Variants in ITPR2 observed in about 807,000 individuals in gnomAD.
The protein encoded by ITPR2 is inositol 1,4,5-trisphosphate receptor type 2, also known as inositol 1,4,5-trisphosphate-gated calcium channel ITPR2.
ITPR2 carries 207 observed loss-of-function variants against 317.1 expected under a neutral mutation model. That is an observed-to-expected ratio of 0.65 (90% CI 0.58 to 0.73). The LOEUF (loss-of-function observed/expected upper bound fraction) is 0.73, where lower values mean the gene tolerates loss of function less well. ITPR2 is among the 30% of genes least tolerant of loss of function. ITPR2 has a pLI of 0.00. For missense variants in ITPR2, 2,613 were observed against 3,284.0 expected (o/e 0.80, Z 4.99); for synonymous variants, 1,156 against 1,149.1 (o/e 1.01, Z -0.12).
intron 1 of ITPR2, among the ~76,000 whole-genome samples, chr12:26,800,126 GT>G (rs1950529415): frequency 6.6e-6 from 1 of 151,754 alleles, no homozygotes; most frequent in Non-Finnish European, 1.5e-5. Context: ...CCCACCCCAG[GT>G]TTCTGTCTGC....
intron 10 of ITPR2, among the ~76,000 whole-genome samples, chr12:26,688,864 C>G (rs1255047676): frequency 6.6e-6 from 1 of 152,170 alleles, no homozygotes; most frequent in Non-Finnish European, 1.5e-5. Context: ...GAATTGAAGA[C>G]AAAATATATG....
chr12:26,534,760 C>T (rs1944041220), intron 37 of ITPR2, among the ~76,000 whole-genome samples: 1 of 152,124 alleles, frequency 6.6e-6, no homozygotes, highest in Admixed American at 6.5e-5. Flanking sequence ...AGATGCTGAA[C>T]AGGTGGTTTA....
intron 1 of ITPR2, among the ~76,000 whole-genome samples, chr12:26,797,506 T>A (rs17482299): frequency 0.018 from 2,773 of 152,234 alleles, 31 homozygotes; most frequent in Non-Finnish European, 0.029. Flanking sequence ...ATATATCTGA[T>A]TCATTTACCA....
intron 5 of ITPR2, among the ~76,000 whole-genome samples, chr12:26,720,999 C>T (rs1161973376): frequency 6.6e-6 from 1 of 152,080 alleles, no homozygotes; most frequent in Non-Finnish European, 1.5e-5. Flanking sequence ...TCATGGACCT[C>T]CTGTAGACAG....
chr12:26,669,780 G>A (rs1430535523), intron 13 of ITPR2, among the ~76,000 whole-genome samples: 4 of 152,242 alleles, frequency 2.6e-5, no homozygotes, highest in African/African-American at 9.6e-5. Flanking sequence ...GGGTCAGGGA[G>A]TTCCCTTTCC....
chr12:26,350,888 A>T (rs913671441), intron 55 of ITPR2, among the ~76,000 whole-genome samples: 4 of 152,180 alleles, frequency 2.6e-5, no homozygotes, highest in Non-Finnish European at 4.4e-5. Flanking sequence ...CTGTCTACAG[A>T]ATGCATCAGC....
At position 26,724,712 on chromosome 12, in the gene ITPR2, C is replaced by A; in HGVS notation, c.310G>T (p.Glu104Ter). 1.9e-6 allele frequency: 3 copies of A among 1,606,800 alleles called. No homozygotes were observed. Among genetic ancestry groups the A allele is most frequent in the Non-Finnish European group, 2.6e-6 (3 of 1,174,948 alleles). The part of the protein sequence containing the change: ...HAAELEQKQN[E>*]SENKKLLGEI... The stretch of plus-strand genomic sequence containing the variant: ...CCCAACAGTTTCTTATTCTCCGATT[C>A]ATTTTGTTTTTGTTCCAGTTCTGCA... Residue 104 changes from glutamate (E) to a stop codon, truncating the protein, a stop_gained, in exon 4 of 57, where the codon GAA becomes TAA. Transcript: ENST00000381340. LOFTEE classifies it high-confidence loss of function.
chr12:26,443,482 A>G, intron 46 of ITPR2, 61 bp downstream of exon 46: 1 of 1,326,774 alleles, frequency 7.5e-7, no homozygotes, highest in Non-Finnish European at 1.1e-6. Flanking sequence ...AAATGGTCTA[A>G]AATAGGAAGT....
chr12:26,745,021 G>A (rs1370352352), intron 2 of ITPR2, among the ~76,000 whole-genome samples: 1 of 152,170 alleles, frequency 6.6e-6, no homozygotes, highest in African/African-American at 2.4e-5. Context: ...CAGATAAAAT[G>A]TTTTGCAAAA....
intron 1 of ITPR2, among the ~76,000 whole-genome samples, chr12:26,806,253 GA>G (rs966308169): frequency 4.6e-5 from 7 of 151,904 alleles, no homozygotes; most frequent in Non-Finnish European, 1.0e-4. Context: ...TTCAGAGCCC[GA>G]AAACTAGACC....
chr12:26,782,019 T>G (rs1329626588), intron 2 of ITPR2, among the ~76,000 whole-genome samples: 669 of 36,272 alleles, frequency 0.018, 11 homozygotes, highest in African/African-American at 0.043. Flanking sequence ...TATATATATA[T>G]ATATATATAT....
intron 54 of ITPR2, among the ~76,000 whole-genome samples, chr12:26,387,906 C>T (rs1939711839): frequency 6.6e-6 from 1 of 151,814 alleles, no homozygotes; most frequent in Admixed American, 6.6e-5. Context: ...TTAAACTGTA[C>T]CACAAGTCTG....
At chr12:26,534,670 A>C (rs549324597) in intron 37 of ITPR2, among the ~76,000 whole-genome samples, 2 of 152,348 alleles carry the variant, frequency 1.3e-5, no homozygotes, top group East Asian at 3.9e-4. Context: ...ATTTTTAAAA[A>C]AGATGTTGAA....
intron 54 of ITPR2, among the ~76,000 whole-genome samples, chr12:26,388,421 C>G (rs1939729849): frequency 6.6e-6 from 1 of 152,108 alleles, no homozygotes; most frequent in Middle Eastern, 3.2e-3. Context: ...TATTCTTTCT[C>G]TAAGCATTTT....
chr12:26,625,775 CTTG>C (rs778358068), intron 23 of ITPR2, among the ~76,000 whole-genome samples: 2 of 152,042 alleles, frequency 1.3e-5, no homozygotes, highest in African/African-American at 2.4e-5. Flanking sequence ...TACAATTAGC[CTTG>C]TTATTATATG....
chr12:26,693,457 G>A (rs930164677), intron 10 of ITPR2, among the ~76,000 whole-genome samples: 8 of 152,054 alleles, frequency 5.3e-5, no homozygotes, highest in African/African-American at 1.7e-4. Flanking sequence ...TTGGTTCCAG[G>A]ACCCCCTGCA....
At chr12:26,713,613 CA>C (rs1438308414) in intron 8 of ITPR2, among the ~76,000 whole-genome samples, 1 of 152,126 alleles carries the variant, frequency 6.6e-6, no homozygotes, top group Non-Finnish European at 1.5e-5. Flanking sequence ...ACAGTTACAG[CA>C]AAAGCTATAA....
intron 46 of ITPR2, 62 bp from the exon 47 acceptor site, chr12:26,439,381 T>G: frequency 8.3e-7 from 1 of 1,202,848 alleles, no homozygotes; most frequent in Non-Finnish European, 1.2e-6. Flanking sequence ...GACTTGCTTT[T>G]GTTTTTAACA....
chr12:26,670,610 C>G (rs923351169), intron 13 of ITPR2, among the ~76,000 whole-genome samples: 3 of 152,032 alleles, frequency 2.0e-5, no homozygotes, highest in Admixed American at 2.0e-4. Context: ...AAAAACAGAG[C>G]AGAAAAACTG....
Sources: allele counts gnomAD v4.1 joint callset (sites outside exome capture counted in the v4.1 genomes callset), GRCh38; gene constraint gnomAD v4.1.1; transcripts MANE v1.5; gene names NCBI Gene and HGNC (gene_info 2026-07-23, HGNC 2026-07-21).